Variants in PKP4 observed in about 807,000 individuals in gnomAD.
PKP4 encodes the protein plakophilin 4, also known as plakophilin-4.
In PKP4, 90 loss-of-function variants were observed where a neutral mutation model predicts 145.1. That is an observed-to-expected ratio of 0.62 (90% confidence interval 0.52 to 0.74). The LOEUF (loss-of-function observed/expected upper bound fraction) is 0.74, where lower values mean the gene tolerates loss of function less well. PKP4 is among the 30% of genes least tolerant of loss of function. The pLI, the probability that PKP4 is intolerant of heterozygous loss-of-function variation, is 0.00. For synonymous variants in PKP4, 563 were observed against 577.2 expected (o/e 0.98, Z 0.35); for missense variants, 1,340 against 1,482.7 (o/e 0.90, Z 1.58).
chr2:158,480,521 G>C (rs900812296), intron 1 of PKP4, among the ~76,000 whole-genome samples: 2 of 149,110 alleles, frequency 1.3e-5, no homozygotes, highest in Admixed American at 6.7e-5. Context: ...ACAGGTGTGA[G>C]CCACCGCGCC....
intron 1 of PKP4, among the ~76,000 whole-genome samples, chr2:158,508,541 AG>A (rs1053239243): frequency 6.6e-6 from 1 of 152,190 alleles, no homozygotes; most frequent in African/African-American, 2.4e-5. Flanking sequence ...CTGTTCCTAG[AG>A]TACTAGTAGT....
Position 158,512,924 on chromosome 2 carries a change from C to T in PKP4, c.-5-20256C>T, listed in dbSNP as rs145194898. On this transcript the variant is annotated intron_variant, in intron 1 of 21. Transcript: ENST00000389759. ...CTTTCTAGGATCAGGTGACTGTTGC[C>T]ATTGTGAACTTAGAATCTTGTCAAA... is the stretch of plus-strand genomic sequence containing the variant. Among the ~76,000 whole-genome samples, 117 of 152,262 alleles carry T rather than the reference C, an allele frequency of 7.7e-4. No homozygotes were observed. In the East Asian group the frequency reaches 0.02, roughly 26 times the overall value.
At chr2:158,537,917 C>G (rs1465773287) in intron 2 of PKP4, among the ~76,000 whole-genome samples, 1 of 152,038 alleles carries the variant, frequency 6.6e-6, no homozygotes, top group African/African-American at 2.4e-5. Context: ...GTGGTCCCAG[C>G]TACTCAGGAG....
At chr2:158,476,233 T>C (rs923044790) in intron 1 of PKP4, among the ~76,000 whole-genome samples, 1 of 152,244 alleles carries the variant, frequency 6.6e-6, no homozygotes, top group Non-Finnish European at 1.5e-5. Flanking sequence ...ATTCATGTTA[T>C]TGGTTTTCAT....
chr2:158,597,890 T>C (rs753949654), intron 3 of PKP4, among the ~76,000 whole-genome samples: 11 of 152,230 alleles, frequency 7.2e-5, no homozygotes, highest in Non-Finnish European at 1.5e-4. Context: ...CACTGCAGCC[T>C]TGCTTGCCTT....
intron 8 of PKP4, among the ~76,000 whole-genome samples, chr2:158,633,808 A>G (rs1456977547): frequency 6.6e-6 from 1 of 152,198 alleles, no homozygotes; most frequent in Non-Finnish European, 1.5e-5. Flanking sequence ...TTTGTTACTG[A>G]ACCTCAATGA....
chr2:158,470,917 GAAA>G (rs746255345), intron 1 of PKP4, among the ~76,000 whole-genome samples: 5 of 152,234 alleles, frequency 3.3e-5, no homozygotes, highest in African/African-American at 1.2e-4. Flanking sequence ...TGGAAAGGCA[GAAA>G]ACCCCAGTCT....
At chr2:158,550,143 A>ATTCTATTAAATTCTATGTAT (rs564291706) in intron 2 of PKP4, among the ~76,000 whole-genome samples, 1 of 147,046 alleles carries the variant, frequency 6.8e-6, no homozygotes, top group Non-Finnish European at 1.5e-5. Flanking sequence ...TGCCAAGAAG[A>ATTCTATTAAATTCTATGTAT]AGTTAAACAA....
chr2:158,621,719 C>G (rs2052276337), intron 6 of PKP4, among the ~76,000 whole-genome samples: 1 of 148,766 alleles, frequency 6.7e-6, no homozygotes, highest in Non-Finnish European at 1.5e-5. Context: ...GCACTCCAGC[C>G]TGGGCGACAG....
chr2:158,563,538 G>A (rs1424695602), intron 2 of PKP4, among the ~76,000 whole-genome samples: 1 of 151,880 alleles, frequency 6.6e-6, no homozygotes, highest in African/African-American at 2.4e-5. Flanking sequence ...ATCCTTTCTA[G>A]CAATTGCATG....
intron 1 of PKP4, among the ~76,000 whole-genome samples, chr2:158,507,667 C>T (rs1358442663): frequency 6.6e-6 from 1 of 152,162 alleles, no homozygotes; most frequent in African/African-American, 2.4e-5. Flanking sequence ...GTGACCATCA[C>T]ATTACTGAAG....
chr2:158,565,167 A>G (rs530440548), intron 2 of PKP4, among the ~76,000 whole-genome samples: 2 of 152,288 alleles, frequency 1.3e-5, no homozygotes, highest in Admixed American at 6.5e-5. Flanking sequence ...GAAAATATAA[A>G]TAGAGTGCCC....
At chr2:158,529,336 G>C (rs534737743) in intron 1 of PKP4, among the ~76,000 whole-genome samples, 2 of 152,284 alleles carry the variant, frequency 1.3e-5, no homozygotes, top group African/African-American at 2.4e-5. Context: ...GTCAACATTG[G>C]ATTTCTCTTC....
chr2:158,531,445 T>G (rs1453290152), intron 1 of PKP4, among the ~76,000 whole-genome samples: 2 of 152,234 alleles, frequency 1.3e-5, no homozygotes, highest in Non-Finnish European at 2.9e-5. Flanking sequence ...GCTGGAATAC[T>G]TTTATATCTT....
chr2:158,643,712 C>CAAAAAAAAAAA (rs762303684), intron 11 of PKP4, among the ~76,000 whole-genome samples: 2 of 69,774 alleles, frequency 2.9e-5, no homozygotes, highest in Non-Finnish European at 5.5e-5. Flanking sequence ...GGCCCTGTTT[C>CAAAAAAAAAAA]AAAAAAAAAA....
chr2:158,470,113 G>T (rs1484376249), intron 1 of PKP4, among the ~76,000 whole-genome samples: 1 of 152,194 alleles, frequency 6.6e-6, no homozygotes, highest in African/African-American at 2.4e-5. Flanking sequence ...CTCTCAGCAG[G>T]TTAGAACTGT....
chr2:158,510,671 G>A (rs1476584803), intron 1 of PKP4, among the ~76,000 whole-genome samples: 1 of 152,226 alleles, frequency 6.6e-6, no homozygotes, highest in African/African-American at 2.4e-5. Context: ...GATAAGAAGA[G>A]CAGGGCTGGA....
intron 10 of PKP4, among the ~76,000 whole-genome samples, chr2:158,641,921 G>C (rs1483919179): frequency 6.6e-6 from 1 of 152,088 alleles, no homozygotes; most frequent in African/African-American, 2.4e-5. Flanking sequence ...GGACTGTGCT[G>C]CCTGCCGATG....
rs533192181 is a variant in PKP4 at position 158,480,477 on chromosome 2, T to C, written c.-6+23259T>C. ...GTCTTAAACTACTGACCTCAAGTGA[T>C]TCACCTACCTTGGCCTCCCAAAGTA... On this transcript the variant is annotated intron_variant, in intron 1 of 21. Coordinates refer to ENST00000389759, the MANE Select transcript of PKP4 (RefSeq NM_003628.6). Among the ~76,000 whole-genome samples the C allele has an allele frequency of 4.6e-5, 7 of 152,104 alleles. No homozygotes were observed. In the South Asian group the frequency reaches 1.4e-3, roughly 32 times the overall value.
Sources: gnomAD v4.1 joint callset for allele counts (sites outside exome capture counted in the v4.1 genomes callset) on GRCh38, gnomAD v4.1.1 for gene constraint, MANE v1.5 for transcripts, NCBI Gene and HGNC (gene_info 2026-07-23, HGNC 2026-07-21) for gene names.